Variants in C5orf34 observed in about 807,000 individuals in gnomAD.
The protein encoded by C5orf34 is chromosome 5 open reading frame 34.
In C5orf34, 73 loss-of-function variants were observed where a neutral mutation model predicts 78.4. The observed-to-expected ratio is 0.93, with a 90% confidence interval of 0.77 to 1.13. The LOEUF (loss-of-function observed/expected upper bound fraction) is 1.13, where lower values mean the gene tolerates loss of function less well. C5orf34 is among the 50% of genes most tolerant of loss of function. C5orf34 has a pLI of 0.00. For synonymous variants in C5orf34, 251 were observed against 246.6 expected, an observed-to-expected ratio of 1.02 and a Z score of -0.17; for missense variants, 730 against 732.7, an observed-to-expected ratio of 1.00 and a Z score of 0.04.
chr5:43,513,397 T>C (rs1746357513), intron 1 of C5orf34, among the ~76,000 whole-genome samples: 1 of 152,164 alleles, frequency 6.6e-6, no homozygotes, highest in Non-Finnish European at 1.5e-5. Flanking sequence ...TACCCCCTAA[T>C]TGCACTTTCA....
In C5orf34 at chr5:43,509,160, G is replaced by A; in HGVS notation, c.180C>T (p.Val60=). 1 of 1,613,002 alleles carries A rather than the reference G, an allele frequency of 6.2e-7. No homozygotes were observed. Among genetic ancestry groups the A allele is most frequent in the Non-Finnish European group, 8.5e-7 (1 of 1,179,676 alleles). The change falls in exon 2 of 13, where the codon GTC becomes GTT. Residue 60 remains valine (V), a synonymous_variant. Coordinates refer to ENST00000306862, the MANE Select transcript of C5orf34 (RefSeq NM_198566.4). ...CTTTACTTACTCTGTAAGTGCTAATGACAAAATGTGTCCTTTGACGAATTC... is the reference window on the plus strand; with the variant it reads ...CTTTACTTACTCTGTAAGTGCTAATAACAAAATGTGTCCTTTGACGAATTC... The part of the protein sequence containing the change: ...PERIRQRTHF[V]ISTYREQLQR...
At chr5:43,493,033 A>G in intron 8 of C5orf34, 143 bp from the exon 9 acceptor site, 1 of 496,514 alleles carries the variant, frequency 2.0e-6, no homozygotes, top group Non-Finnish European at 3.5e-6. Flanking sequence ...TTTTTCCAGA[A>G]GTGGATACCC....
At position 43,502,352 on chromosome 5, in the gene C5orf34, TGAGTTC is replaced by T. The variant is rs1745792815; in HGVS notation, c.1152+14_1152+19del. 1 of 1,610,006 alleles carries T rather than the reference TGAGTTC, an allele frequency of 6.2e-7. No individual in the cohort carries two copies. Among genetic ancestry groups the T allele is most frequent in the South Asian group, 1.1e-5 (1 of 90,206 alleles). Reference sequence around the variant, plus strand: ...CTATACAGCAAAACTCTTCTTGAGTTGAGTTCATTGTTGGCTTACCTTTCCTGATCC... The same window carrying T: ...CTATACAGCAAAACTCTTCTTGAGTTATTGTTGGCTTACCTTTCCTGATCC... On this transcript the variant is annotated intron_variant, in intron 6 of 12. Transcript: ENST00000306862.
chr5:43,492,859 G>A lies in C5orf34; in HGVS notation c.1346C>T (p.Pro449Leu). The stretch of plus-strand genomic sequence containing the variant: ...TATGAGTGACTCTTTCAAAACCAAA[G>A]GCAGTATATTGCTATCATTTATCCC... ...VPGINDSNIL[P>L]LVLKESLIPS... Residue 449 changes from proline (P) to leucine (L), a missense_variant, in exon 9 of 13, where the codon CCT (proline) becomes CTT (leucine). By Grantham distance (98) the Pro-to-Leu change is moderately conservative. Transcript: ENST00000306862. The A allele has an allele frequency of 6.2e-7, 1 of 1,608,654 alleles. No homozygotes were observed. The highest frequency in any genetic ancestry group is 1.3e-5 in the African/African-American group (1 of 74,806).
intron 6 of C5orf34, 64 bp from the exon 7 acceptor site, chr5:43,494,665 CT>C: frequency 2.3e-6 from 2 of 856,842 alleles, no homozygotes; most frequent in South Asian, 1.8e-5. Context: ...TACTTAGCTG[CT>C]TTTCCTTGAA....
chr5:43,499,281 T>C lies in C5orf34; in HGVS notation c.1152+3091A>G, dbSNP rs73754742. Among the ~76,000 whole-genome samples, 321 of 152,306 alleles carry C rather than the reference T, an allele frequency of 2.1e-3. 2 individuals are homozygous for C. The highest frequency in any genetic ancestry group is 7.5e-3 in the African/African-American group (312 of 41,570). On this transcript the variant is annotated intron_variant, in intron 6 of 12. Coordinates refer to ENST00000306862, the MANE Select transcript of C5orf34 (RefSeq NM_198566.4). ...TGTTCCCTTAGCTATATGCTCCTCC[T>C]ACCTCCATCTGTCTTTTGTACAACT... is the stretch of plus-strand genomic sequence containing the variant.
Position 43,515,084 on chromosome 5 carries a change from G to C in C5orf34, c.-315C>G, listed in dbSNP as rs907847325. The C allele has an allele frequency of 2.0e-5, 3 of 152,346 alleles. No homozygotes were observed. The highest frequency in any genetic ancestry group is 3.9e-4 in the East Asian group (2 of 5,186). 9.4% of individuals were successfully genotyped at this position (152,346 alleles called of 1,614,324 possible). On this transcript the variant is annotated 5_prime_UTR_variant, in exon 1 of 13. Transcript: ENST00000306862. ...CGCCAACTGTAACCACTAAGAGAAA[G>C]CGCAAACCGCACAAGACCAGTTCAA...
At chr5:43,499,298 T>A (rs1331545236) in intron 6 of C5orf34, among the ~76,000 whole-genome samples, 1 of 152,188 alleles carries the variant, frequency 6.6e-6, no homozygotes, top group Non-Finnish European at 1.5e-5. Flanking sequence ...ATCTGTCTTT[T>A]GTACAACTCC....
chr5:43,494,649 C>T (rs930120385), intron 6 of C5orf34, 48 bp from the exon 7 acceptor site: 6 of 1,116,938 alleles, frequency 5.4e-6, no homozygotes, highest in African/African-American at 4.7e-5. Flanking sequence ...AAATTTTGGC[C>T]TTTATTACTT....
chr5:43,513,733 G>T (rs776627306), intron 1 of C5orf34, among the ~76,000 whole-genome samples: 1 of 152,160 alleles, frequency 6.6e-6, no homozygotes, highest in Non-Finnish European at 1.5e-5. Flanking sequence ...CACAAGGCTG[G>T]TTCTTTATCA....
In C5orf34 at chr5:43,505,903, A is replaced by C. The variant is rs1745963857; in HGVS notation, c.777T>G (p.Leu259=). ...TATTGCTGATTTTATTATGAAAATG[A>C]AGTGCTAAAGACAAAGGATATTTCC... ...EEWKYPLSLA[L]HFHNKISNMS... is the part of the protein sequence containing the mutation. Residue 259 remains leucine, a synonymous_variant, in exon 4 of 13, where the codon CTT becomes CTG. Transcript: ENST00000306862. 1 of 1,613,902 alleles carries C rather than the reference A, an allele frequency of 6.2e-7. No homozygotes were observed. Among genetic ancestry groups the C allele is most frequent in the Non-Finnish European group, 8.5e-7 (1 of 1,179,882 alleles).
rs1466909072 is a variant in C5orf34, at chr5:43,509,322, T to G, written c.18A>C (p.Arg6=). MAAEL[R]MILYEDDSVQ... is the part of the protein sequence containing the mutation. ...CTGAATCATCTTCATAAAGTATCATTCGCAGTTCAGCTGCCATTACAACGG... is the reference window on the plus strand; with the variant it reads ...CTGAATCATCTTCATAAAGTATCATGCGCAGTTCAGCTGCCATTACAACGG... The change falls in exon 2 of 13, where the codon CGA becomes CGC. Residue 6 remains arginine, a synonymous_variant. Transcript: ENST00000306862. 6.2e-7 allele frequency: 1 copy of G among 1,609,918 alleles called. No homozygotes were observed. The highest frequency in any genetic ancestry group is 1.3e-5 in the African/African-American group (1 of 74,436).
chr5:43,495,676 A>G, intron 6 of C5orf34: 3 of 1,579,578 alleles, frequency 1.9e-6, no homozygotes, highest in Non-Finnish European at 2.6e-6. Flanking sequence ...CAACAGGAAC[A>G]GTACCAATAC....
intron 6 of C5orf34, chr5:43,495,960 C>G: frequency 6.3e-7 from 1 of 1,590,614 alleles, no homozygotes; most frequent in Admixed American, 1.7e-5. Flanking sequence ...ATTTCCTCTT[C>G]TCTCTTCTGG....
At chr5:43,499,843 T>A (rs1368872355) in intron 6 of C5orf34, among the ~76,000 whole-genome samples, 3 of 152,220 alleles carry the variant, frequency 2.0e-5, no homozygotes, top group African/African-American at 7.2e-5. Flanking sequence ...CATAATTTGA[T>A]AATTACAACT....
chr5:43,506,438 C>A (rs894621403), intron 3 of C5orf34, 44 bp from the exon 4 acceptor site: 23 of 1,516,346 alleles, frequency 1.5e-5, no homozygotes, highest in Non-Finnish European at 1.5e-5. Context: ...TTTCTGTTAA[C>A]AGTCCAATTT....
chr5:43,509,376 CTGAA>C lies in C5orf34; in HGVS notation c.-36-5_-36-2del. 1 of 1,511,194 alleles carries C rather than the reference CTGAA, an allele frequency of 6.6e-7. No homozygotes were observed. The highest frequency in any genetic ancestry group is 1.3e-5 in the South Asian group (1 of 78,784). 93.6% of individuals were successfully genotyped at this position (1,511,194 alleles called of 1,614,324 possible). A position where few individuals can be genotyped will look rare whatever the true frequency, so the allele number is the denominator to read the frequency against. On this transcript the variant is annotated splice_acceptor_variant and splice_polypyrimidine_tract_variant and intron_variant, in intron 1 of 12. Coordinates refer to ENST00000306862, the MANE Select transcript of C5orf34 (RefSeq NM_198566.4). LOFTEE classifies it low-confidence loss of function (5UTR_SPLICE). ...GATAAGATATCTTCTAAGTCAAAGA[CTGAA>C]TGAAATAGGAAAAACAACAGCATAA...
intron 6 of C5orf34, among the ~76,000 whole-genome samples, chr5:43,500,404 A>G (rs1416507036): frequency 6.6e-6 from 1 of 151,942 alleles, no homozygotes; most frequent in Non-Finnish European, 1.5e-5. Context: ...TTAATTAAAA[A>G]AATTTTTTTG....
Position 43,487,965 on chromosome 5 carries a change from GA to G in C5orf34, c.1680-17del. On this transcript the variant is annotated splice_polypyrimidine_tract_variant and intron_variant, in intron 11 of 12. Transcript: ENST00000306862. Reference sequence around the variant, plus strand: ...AGCAACAGACCTGTCCAAGGAAAAAGAAAAAATTCATTCAGTTGTCTGATTC... The same window carrying G: ...AGCAACAGACCTGTCCAAGGAAAAAGAAAAATTCATTCAGTTGTCTGATTC... 2 of 1,592,884 alleles carry G rather than the reference GA, an allele frequency of 1.3e-6. No individual in the cohort carries two copies. The highest frequency in any genetic ancestry group is 1.7e-5 in the Admixed American group (1 of 57,660).
Sources: gnomAD v4.1 joint callset for allele counts (sites outside exome capture counted in the v4.1 genomes callset) on GRCh38, gnomAD v4.1.1 for gene constraint, MANE v1.5 for transcripts, NCBI Gene and HGNC (gene_info 2026-07-23, HGNC 2026-07-21) for gene names.